Variants in MEF2C observed in about 807,000 individuals in gnomAD.
MEF2C encodes the protein myocyte enhancer factor 2C.
In MEF2C, 6 loss-of-function variants were observed where a neutral mutation model predicts 50.5. That is an observed-to-expected ratio of 0.12 (90% confidence interval 0.07 to 0.23). The LOEUF (loss-of-function observed/expected upper bound fraction) is 0.23. Ranked by LOEUF, MEF2C falls within the 10% of genes least tolerant of loss-of-function variation. The probability of loss-of-function intolerance (pLI) is 1.00; values close to 1 mark genes in which losing one functional copy is unlikely to be tolerated. For synonymous variants in MEF2C, 183 were observed against 228.0 expected, an observed-to-expected ratio of 0.80 and a Z score of 1.78; for missense variants, 276 against 605.0, an observed-to-expected ratio of 0.46 and a Z score of 5.70.
intron 3 of MEF2C, among the ~76,000 whole-genome samples, chr5:88,798,050 C>T (rs181966088): frequency 2.0e-5 from 3 of 152,206 alleles, no homozygotes; most frequent in Admixed American, 1.3e-4. Context: ...GTGGGTAGCT[C>T]GACCTTTCTC....
chr5:88,810,842 T>C lies in MEF2C; in HGVS notation c.55-6041A>G, dbSNP rs1286547317. ...TGCATGCAACGTAAATCTGGGTGCTTGAGCAAACCCAGTAGGTGATAAGAG... is the reference window on the plus strand; with the variant it reads ...TGCATGCAACGTAAATCTGGGTGCTCGAGCAAACCCAGTAGGTGATAAGAG... On this transcript the variant is annotated intron_variant, in intron 2 of 10. Coordinates refer to ENST00000504921, the MANE Select transcript of MEF2C (RefSeq NM_002397.5). Among the ~76,000 whole-genome samples the C allele has an allele frequency of 3.9e-5, 6 of 152,104 alleles. No individual in the cohort carries two copies. The East Asian group carries it at 9.7e-4, about 24-fold the overall frequency.
At chr5:88,797,987 G>A (rs1796713373) in intron 3 of MEF2C, among the ~76,000 whole-genome samples, 1 of 152,164 alleles carries the variant, frequency 6.6e-6, no homozygotes, top group South Asian at 2.1e-4. Context: ...TTCTCTTCTG[G>A]CTTGTAGGGT....
In MEF2C at chr5:88,721,377, G is replaced by A. The variant is rs1756300521; in HGVS notation, c.*1227C>T. On this transcript the variant is annotated 3_prime_UTR_variant, in exon 11 of 11. Transcript: ENST00000504921. ...ACAATGGATGTCAGTTGACCCAATA[G>A]ATTGCTAATGTATTAAAAACAATTT... The A allele has an allele frequency of 6.6e-6, 1 of 152,628 alleles. No individual in the cohort carries two copies. The highest frequency in any genetic ancestry group is 2.4e-5 in the African/African-American group (1 of 41,446). The allele number at this position is 152,628 out of a possible 1,614,324, so 9.5% of individuals were successfully genotyped here. A position where few individuals can be genotyped will look rare whatever the true frequency, so the allele number is the denominator to read the frequency against.
intron 1 of MEF2C, among the ~76,000 whole-genome samples, chr5:88,840,006 C>T (rs1450218039): frequency 6.6e-6 from 1 of 152,066 alleles, no homozygotes; most frequent in Non-Finnish European, 1.5e-5. Flanking sequence ...TTGTATTTTC[C>T]ATTCATCTAA....
At chr5:88,839,594 G>T (rs544703833) in intron 1 of MEF2C, 1 of 151,502 alleles carries the variant, frequency 6.6e-6, no homozygotes. Context: ...GTGTCCCTCA[G>T]GTATGTTTGT....
intron 1 of MEF2C, among the ~76,000 whole-genome samples, chr5:88,873,045 C>G (rs1049630962): frequency 2.6e-5 from 4 of 151,042 alleles, no homozygotes; most frequent in African/African-American, 7.4e-5. Flanking sequence ...GCTCCCCACA[C>G]CGTACACACA....
At chr5:88,848,812 T>C (rs1820233558) in intron 1 of MEF2C, among the ~76,000 whole-genome samples, 2 of 152,188 alleles carry the variant, frequency 1.3e-5, no homozygotes, top group African/African-American at 4.8e-5. Context: ...GTATGTGTTC[T>C]TGGATGACAC....
chr5:88,780,613 A>G lies in MEF2C; in HGVS notation c.259-19285T>C, dbSNP rs578195469. The G allele has an allele frequency of 8.9e-4, 247 of 276,066 alleles. 1 individual carries two copies. The highest frequency in any genetic ancestry group is 1.2e-3 in the Non-Finnish European group (221 of 181,672). 17.1% of individuals were successfully genotyped at this position (276,066 alleles called of 1,614,324 possible). A position where few individuals can be genotyped will look rare whatever the true frequency, so the allele number is the denominator to read the frequency against. ...TATGTATCCTCACTGCCATGAAAAT[A>G]CTGCGGGAGCCAGGGCAAAGATACT... On this transcript the variant is annotated intron_variant, in intron 3 of 10. Transcript: ENST00000504921.
chr5:88,742,062 C>A, intron 6 of MEF2C: 10 of 985,252 alleles, frequency 1.0e-5, no homozygotes, highest in Non-Finnish European at 1.2e-5. Context: ...AAGTGATTGG[C>A]AAAGGTTTGT....
chr5:88,852,992 G>C (rs892629475), intron 1 of MEF2C, among the ~76,000 whole-genome samples: 4 of 152,132 alleles, frequency 2.6e-5, no homozygotes, highest in East Asian at 1.9e-4. Context: ...GGGAGACCAG[G>C]GTTAGAGGAT....
chr5:88,819,335 C>T (rs1807131516), intron 2 of MEF2C: 6 of 984,956 alleles, frequency 6.1e-6, no homozygotes, highest in Non-Finnish European at 7.2e-6. Context: ...TGGTCACTTC[C>T]CAGTTTTAAC....
At position 88,719,332 on chromosome 5, in the gene MEF2C, CA is replaced by C. The variant is rs1157572197; in HGVS notation, c.*3271del. The C allele has an allele frequency of 3.3e-5, 5 of 152,140 alleles. No homozygotes were observed. Among genetic ancestry groups the C allele is most frequent in the Non-Finnish European group, 5.9e-5 (4 of 68,002 alleles). 9.4% of individuals were successfully genotyped at this position (152,140 alleles called of 1,614,324 possible). A position where few individuals can be genotyped will look rare whatever the true frequency, so the allele number is the denominator to read the frequency against. Reference sequence around the variant, plus strand: ...AAATAAGCCATTTTACTAAAAAACACAATTTTTAAAAAGGTTGAAATAAACA... The same window carrying C: ...AAATAAGCCATTTTACTAAAAAACACATTTTTAAAAAGGTTGAAATAAACA... On this transcript the variant is annotated 3_prime_UTR_variant, in exon 11 of 11. Transcript: ENST00000504921.
chr5:88,838,238 C>G (rs1470435559), intron 1 of MEF2C, among the ~76,000 whole-genome samples: 1 of 152,086 alleles, frequency 6.6e-6, no homozygotes. Context: ...AATGAGTGTT[C>G]TTCAACTCAT....
At chr5:88,868,320 A>C (rs1222260256) in intron 1 of MEF2C, among the ~76,000 whole-genome samples, 1 of 152,204 alleles carries the variant, frequency 6.6e-6, no homozygotes, top group Non-Finnish European at 1.5e-5. Flanking sequence ...GGCAAAACAC[A>C]ACTGCAAATA....
intron 3 of MEF2C, among the ~76,000 whole-genome samples, chr5:88,779,154 A>G (rs1314365252): frequency 6.6e-6 from 1 of 152,246 alleles, no homozygotes; most frequent in Non-Finnish European, 1.5e-5. Flanking sequence ...AATAAATAAT[A>G]TTAACCACAT....
intron 3 of MEF2C, among the ~76,000 whole-genome samples, chr5:88,768,934 C>T (rs1296765190): frequency 1.3e-5 from 2 of 152,144 alleles, no homozygotes; most frequent in African/African-American, 2.4e-5. Flanking sequence ...CATTATTGAA[C>T]GCTTAAAATT....
At chr5:88,765,065 A>T (rs1338077138) in intron 3 of MEF2C, among the ~76,000 whole-genome samples, 1 of 152,132 alleles carries the variant, frequency 6.6e-6, no homozygotes, top group African/African-American at 2.4e-5. Flanking sequence ...TCACAAAGGA[A>T]ATGGCAGTGA....
intron 3 of MEF2C, among the ~76,000 whole-genome samples, chr5:88,799,619 T>G (rs1004788731): frequency 3.3e-5 from 5 of 152,222 alleles, no homozygotes; most frequent in African/African-American, 1.2e-4. Flanking sequence ...ATCACCATTG[T>G]GAAGCTATAC....
At chr5:88,819,723 A>T (rs1807344837) in intron 2 of MEF2C, among the ~76,000 whole-genome samples, 1 of 151,924 alleles carries the variant, frequency 6.6e-6, no homozygotes, top group African/African-American at 2.4e-5. Context: ...GGGGTCCATA[A>T]ACTGTAGCCT....
Sources: gnomAD v4.1 joint callset for allele counts (sites outside exome capture counted in the v4.1 genomes callset) on GRCh38, gnomAD v4.1.1 for gene constraint, MANE v1.5 for transcripts, NCBI Gene and HGNC (gene_info 2026-07-23, HGNC 2026-07-21) for gene names.